GCFC2: variants seen among roughly 807,000 people sequenced by gnomAD.
The protein encoded by GCFC2 is GC-rich sequence DNA-binding factor 2, also known as intron Large complex component GCFC2.
A neutral mutation model predicts 99.4 loss-of-function variants in GCFC2; 102 were observed. The observed-to-expected ratio is 1.03, with a 90% CI of 0.87 to 1.21. GCFC2 has a LOEUF of 1.21. Among genes scored for constraint, GCFC2 ranks in the 50% most tolerant of loss-of-function variants. The probability of loss-of-function intolerance (pLI) is 0.00; values close to 1 mark genes in which losing one functional copy is unlikely to be tolerated. For missense variants in GCFC2, 973 were observed against 920.9 expected (o/e 1.06, Z -0.73); for synonymous variants, 338 against 316.8 (o/e 1.07, Z -0.71).
At chr2:75,685,746 A>G (rs1190746619) in intron 11 of GCFC2, among the ~76,000 whole-genome samples, 1 of 148,332 alleles carries the variant, frequency 6.7e-6, no homozygotes, top group Non-Finnish European at 1.5e-5. Context: ...TTCTGACTGG[A>G]CCTCCCCCTT....
intron 4 of GCFC2, among the ~76,000 whole-genome samples, chr2:75,699,134 G>A (rs1450471504): frequency 6.6e-6 from 1 of 152,064 alleles, no homozygotes; most frequent in Non-Finnish European, 1.5e-5. Context: ...GGAAATGAGA[G>A]TGACAGTGTC....
Position 75,690,029 on chromosome 2 carries a change from C to T in GCFC2, c.1279G>A (p.Gly427Arg), listed in dbSNP as rs1187973947. ...VLSGNCNHQEGTSSDDELPSA... is the reference protein window; with the variant it reads ...VLSGNCNHQERTSSDDELPSA... The stretch of plus-strand genomic sequence containing the variant: ...GGCAGTTCATCATCACTAGATGTTC[C>T]TTCCTGATGGTTACAATTCCCAGAA... Residue 427 changes from glycine to arginine, a missense_variant, in exon 9 of 17, where the codon GGA (glycine) becomes AGA (arginine). Coordinates refer to ENST00000321027, the MANE Select transcript of GCFC2 (RefSeq NM_003203.5). 3 of 1,610,276 alleles carry T rather than the reference C, an allele frequency of 1.9e-6. No homozygotes were observed. Among genetic ancestry groups the T allele is most frequent in the Non-Finnish European group, 2.5e-6 (3 of 1,178,000 alleles).
rs1196216560 is a variant in GCFC2 at position 75,691,970 on chromosome 2, C to T, written c.1144+7G>A. ...AATAAATTGTATGGAACACGAAAAACACTAACGTGATAACTGTTGTAAATA... is the reference window on the plus strand; with the variant it reads ...AATAAATTGTATGGAACACGAAAAATACTAACGTGATAACTGTTGTAAATA... On this transcript the variant is annotated splice_region_variant and intron_variant, in intron 7 of 16. Coordinates refer to ENST00000321027, the MANE Select transcript of GCFC2 (RefSeq NM_003203.5). 1.4e-6 allele frequency: 2 copies of T among 1,467,150 alleles called. No homozygotes were observed. The highest frequency in any genetic ancestry group is 9.2e-7 in the Non-Finnish European group (1 of 1,092,718). 90.9% of individuals were successfully genotyped at this position (1,467,150 alleles called of 1,614,324 possible). A position where few individuals can be genotyped will look rare whatever the true frequency, so the allele number is the denominator to read the frequency against.
intron 6 of GCFC2, among the ~76,000 whole-genome samples, chr2:75,693,590 A>C (rs1194747546): frequency 2.6e-5 from 4 of 152,204 alleles, no homozygotes; most frequent in Non-Finnish European, 4.4e-5. Flanking sequence ...AACTAAAAAC[A>C]AAAATTTCAA....
intron 1 of GCFC2, among the ~76,000 whole-genome samples, chr2:75,709,715 A>G (rs928340593): frequency 6.6e-6 from 1 of 152,258 alleles, no homozygotes; most frequent in Non-Finnish European, 1.5e-5. Flanking sequence ...CACAAAAAAA[A>G]GTAAGTACCT....
intron 11 of GCFC2, among the ~76,000 whole-genome samples, chr2:75,685,735 C>T (rs1679783810): frequency 6.6e-6 from 1 of 152,044 alleles, no homozygotes; most frequent in Non-Finnish European, 1.5e-5. Context: ...AAACTTATAC[C>T]TTCTGACTGG....
In GCFC2 at chr2:75,662,977, T is replaced by G. The variant is rs188919747; in HGVS notation, c.*1689A>C. The G allele has an allele frequency of 2.0e-5, 3 of 151,330 alleles. No individual in the cohort carries two copies. In the East Asian group the frequency reaches 5.8e-4, roughly 29 times the overall value. The allele number at this position is 151,330 out of a possible 1,614,324, so 9.4% of individuals were successfully genotyped here. On this transcript the variant is annotated 3_prime_UTR_variant, in exon 17 of 17. Transcript: ENST00000321027. ...CATTTTTGTAAATAGAGAAAAGGTC[T>G]AAAAGGATAACATTAAAATGAAAAC... is the stretch of plus-strand genomic sequence containing the variant.
chr2:75,665,671 T>C (rs1258483806), intron 16 of GCFC2, among the ~76,000 whole-genome samples: 2 of 152,174 alleles, frequency 1.3e-5, no homozygotes, highest in Non-Finnish European at 2.9e-5. Context: ...TAATAAAATG[T>C]TTTTGATTTA....
Position 75,702,338 on chromosome 2 carries a change from A to C in GCFC2, c.480T>G (p.Asp160Glu), listed in dbSNP as rs771358465. ...CAGAGATGGAGGAGGTATGTTGTAC[A>C]TCCAAAGAAATATAGTCATCTTGGG... ...ARAQDDYISLDVQHTSSISGM... is the reference protein window; with the variant it reads ...ARAQDDYISLEVQHTSSISGM... Residue 160 changes from aspartate (D) to glutamate (E), a missense_variant, in exon 3 of 17, where the codon GAT becomes GAG. Coordinates refer to ENST00000321027, the MANE Select transcript of GCFC2 (RefSeq NM_003203.5). 6.2e-7 allele frequency: 1 copy of C among 1,612,940 alleles called. No individual in the cohort carries two copies. Among genetic ancestry groups the C allele is most frequent in the African/African-American group, 1.3e-5 (1 of 74,898 alleles).
chr2:75,700,220 C>A (rs1413041987), intron 4 of GCFC2, among the ~76,000 whole-genome samples: 2 of 151,914 alleles, frequency 1.3e-5, no homozygotes, highest in Non-Finnish European at 2.9e-5. Flanking sequence ...TACCAAGACC[C>A]CTATTGTTGG....
At chr2:75,694,479 G>T (rs780756346) in intron 5 of GCFC2, 52 bp from the exon 6 acceptor site, 3 of 661,830 alleles carry the variant, frequency 4.5e-6, no homozygotes. Flanking sequence ...TTTAAAAGTA[G>T]CAATCTAATG....
Position 75,710,627 on chromosome 2 carries a change from C to T in GCFC2, c.229G>A (p.Ala77Thr). 6.6e-7 allele frequency: 1 copy of T among 1,515,882 alleles called. No individual in the cohort carries two copies. Among genetic ancestry groups the T allele is most frequent in the African/African-American group, 1.4e-5 (1 of 69,816 alleles). 93.9% of individuals were successfully genotyped at this position (1,515,882 alleles called of 1,614,324 possible). A position where few individuals can be genotyped will look rare whatever the true frequency, so the allele number is the denominator to read the frequency against. Residue 77 changes from alanine (A) to threonine (T), a missense_variant, in exon 1 of 17, where the codon GCC (alanine) becomes ACC (threonine). Coordinates refer to ENST00000321027, the MANE Select transcript of GCFC2 (RefSeq NM_003203.5). ...RGRVWASSRR[A>T]TKAAPRADEG... Reference sequence around the variant, plus strand: ...TCCGCGCGGGGAGCCGCTTTGGTGGCACGCCGGGAGCTCGCCCAGACCCGG... The same window carrying T: ...TCCGCGCGGGGAGCCGCTTTGGTGGTACGCCGGGAGCTCGCCCAGACCCGG...
At position 75,710,819 on chromosome 2, in the gene GCFC2, C is replaced by T. The variant is rs755796921; in HGVS notation, c.37G>A (p.Ala13Thr). The T allele has an allele frequency of 5.1e-6, 8 of 1,577,284 alleles. No individual in the cohort carries two copies. Among genetic ancestry groups the T allele is most frequent in the East Asian group, 2.4e-5 (1 of 41,734 alleles). ...CCATCGCTGTCGCTGGAATCAGCCG[C>T]GCGCTGCCGAAAAGTCCTTTTCGGC... ...HRPKRTFRQR[A>T]ADSSDSDGAE... Residue 13 changes from alanine (A) to threonine (T), a missense_variant, in exon 1 of 17, where the codon GCG becomes ACG. Coordinates refer to ENST00000321027, the MANE Select transcript of GCFC2 (RefSeq NM_003203.5).
At chr2:75,694,477 T>C (rs1250981579) in intron 5 of GCFC2, 50 bp from the exon 6 acceptor site, 3 of 684,252 alleles carry the variant, frequency 4.4e-6, no homozygotes, top group Non-Finnish European at 4.4e-6. Context: ...CTTTTAAAAG[T>C]AGCAATCTAA....
At chr2:75,680,754 T>A (rs1679538714) in intron 11 of GCFC2, among the ~76,000 whole-genome samples, 2 of 152,178 alleles carry the variant, frequency 1.3e-5, no homozygotes, top group African/African-American at 4.8e-5. Context: ...TCTAGATGAT[T>A]ATTTCCTACT....
At chr2:75,708,940 T>G (rs2104434296) in intron 1 of GCFC2, among the ~76,000 whole-genome samples, 1 of 152,320 alleles carries the variant, frequency 6.6e-6, no homozygotes, top group East Asian at 1.9e-4. Flanking sequence ...GGCTGTATTT[T>G]CTTCAAATAC....
intron 12 of GCFC2, among the ~76,000 whole-genome samples, chr2:75,678,872 T>C (rs557431964): frequency 6.6e-6 from 1 of 152,312 alleles, no homozygotes; most frequent in South Asian, 2.1e-4. Flanking sequence ...ATTTTTATTT[T>C]TTTGGTAGAG....
Position 75,690,001 on chromosome 2 carries a change from G to GA in GCFC2, c.1306dup (p.Ser436PhefsTer6), listed in dbSNP as rs1558742649. 2 of 1,604,308 alleles carry GA rather than the reference G, an allele frequency of 1.2e-6. No individual in the cohort carries two copies. The highest frequency in any genetic ancestry group is 4.5e-5 in the East Asian group (2 of 44,724). ...TTTTTGGAAGTCAATCATCTCTGCT[G>GA]AAGGCAGTTCATCATCACTAGATGT... is the stretch of plus-strand genomic sequence containing the variant. On this transcript the variant is annotated frameshift_variant, in exon 9 of 17. Coordinates refer to ENST00000321027, the MANE Select transcript of GCFC2 (RefSeq NM_003203.5). LOFTEE classifies it high-confidence loss of function.
At chr2:75,674,659 C>T (rs1441319773) in intron 12 of GCFC2, among the ~76,000 whole-genome samples, 3 of 151,888 alleles carry the variant, frequency 2.0e-5, no homozygotes, top group Admixed American at 2.0e-4. Context: ...TGGCATACTA[C>T]ACATTAGAGT....
Sources: gnomAD v4.1 joint callset for allele counts (sites outside exome capture counted in the v4.1 genomes callset) on GRCh38, gnomAD v4.1.1 for gene constraint, MANE v1.5 for transcripts, NCBI Gene and HGNC (gene_info 2026-07-23, HGNC 2026-07-21) for gene names.